Variants in SGCD observed in about 807,000 individuals in gnomAD.
The protein encoded by SGCD is delta-sarcoglycan.
Under a neutral mutation model 36.6 loss-of-function variants are expected in SGCD, and 18 were observed. That is an observed-to-expected ratio of 0.49 (90% confidence interval 0.34 to 0.73). The LOEUF (loss-of-function observed/expected upper bound fraction) is 0.73. Among genes scored for constraint, SGCD ranks in the 30% least tolerant of loss-of-function variants. SGCD has a pLI of 0.01. For synonymous variants in SGCD, 133 were observed against 130.6 expected (o/e 1.02, Z -0.12); for missense variants, 387 against 346.7 (o/e 1.12, Z -0.92).
chr5:156,268,292 A>C (rs1766055293), intron 3 of SGCD, among the ~76,000 whole-genome samples: 1 of 152,184 alleles, frequency 6.6e-6, no homozygotes, highest in Non-Finnish European at 1.5e-5. Flanking sequence ...TCTGCAGTGA[A>C]CATTTGTGTG....
At chr5:156,695,403 C>G (rs1315921412) in intron 7 of SGCD, among the ~76,000 whole-genome samples, 2 of 152,046 alleles carry the variant, frequency 1.3e-5, no homozygotes, top group African/African-American at 4.8e-5. Flanking sequence ...CATGGCAACT[C>G]TTCTCCAGTC....
At chr5:156,444,762 GTATC>G (rs545150900) in intron 3 of SGCD, among the ~76,000 whole-genome samples, 4 of 152,170 alleles carry the variant, frequency 2.6e-5, no homozygotes, top group Non-Finnish European at 4.4e-5. Flanking sequence ...GCATGAAAAT[GTATC>G]TATCTATCCA....
intron 1 of SGCD, among the ~76,000 whole-genome samples, chr5:156,009,713 G>A (rs946765554): frequency 6.6e-6 from 1 of 152,136 alleles, no homozygotes; most frequent in Non-Finnish European, 1.5e-5. Context: ...AGATTTTAAA[G>A]AATTGCCAGC....
At chr5:156,413,789 G>A (rs557210572) in intron 3 of SGCD, among the ~76,000 whole-genome samples, 1 of 152,244 alleles carries the variant, frequency 6.6e-6, no homozygotes, top group East Asian at 1.9e-4. Context: ...CATTTGAAAT[G>A]GATTTCTAAT....
chr5:156,372,283 C>T (rs888476894), intron 3 of SGCD, among the ~76,000 whole-genome samples: 1 of 152,246 alleles, frequency 6.6e-6, no homozygotes, highest in South Asian at 2.1e-4. Flanking sequence ...TTTATAGCAC[C>T]TTTATATGTG....
chr5:156,490,519 A>G (rs1223233757), intron 3 of SGCD, among the ~76,000 whole-genome samples: 1 of 151,932 alleles, frequency 6.6e-6, no homozygotes, highest in Non-Finnish European at 1.5e-5. Context: ...ATCAAGTGGA[A>G]TTTATCCCAG....
chr5:156,486,335 G>A (rs1268134071), intron 3 of SGCD, among the ~76,000 whole-genome samples: 1 of 152,032 alleles, frequency 6.6e-6, no homozygotes, highest in Non-Finnish European at 1.5e-5. Context: ...TGAGACAAAG[G>A]AGACTGAAGT....
At chr5:155,840,588 T>TGTG in the SGCD span, among the ~76,000 whole-genome samples, 48 of 147,068 alleles carry the variant, frequency 3.3e-4, no homozygotes, top group African/African-American at 1.2e-3. Flanking sequence ...TGCACCCGGC[T>TGTG]TGTGTGTGTG....
chr5:156,160,836 C>G (rs1763071165), intron 3 of SGCD, among the ~76,000 whole-genome samples: 1 of 151,628 alleles, frequency 6.6e-6, no homozygotes, highest in Non-Finnish European at 1.5e-5. Flanking sequence ...CTTGCCTCTT[C>G]CCTTAATTTC....
At chr5:156,239,335 G>A (rs1581188749) in intron 3 of SGCD, among the ~76,000 whole-genome samples, 1 of 149,496 alleles carries the variant, frequency 6.7e-6, no homozygotes, top group East Asian at 2.0e-4. Flanking sequence ...GGGAGGCGGA[G>A]GTTGCAGTGA....
chr5:156,253,120 T>C (rs1003512342), intron 3 of SGCD, among the ~76,000 whole-genome samples: 8 of 152,162 alleles, frequency 5.3e-5, no homozygotes, highest in Non-Finnish European at 8.8e-5. Context: ...GAGAGATTAG[T>C]GTGTCTCACG....
At chr5:156,139,485 A>T (rs1762526641) in intron 3 of SGCD, among the ~76,000 whole-genome samples, 1 of 152,104 alleles carries the variant, frequency 6.6e-6, no homozygotes, top group African/African-American at 2.4e-5. Flanking sequence ...CAATATTAGC[A>T]CCTGGCTCCA....
chr5:156,738,110 A>C (rs1756470849), intron 7 of SGCD, among the ~76,000 whole-genome samples: 1 of 152,234 alleles, frequency 6.6e-6, no homozygotes, highest in Non-Finnish European at 1.5e-5. Flanking sequence ...GGGTCATTAG[A>C]TGTTCTGAGA....
intron 3 of SGCD, among the ~76,000 whole-genome samples, chr5:156,284,148 C>T (rs577631315): frequency 2.8e-4 from 43 of 152,058 alleles, no homozygotes; most frequent in Non-Finnish European, 5.4e-4. Flanking sequence ...CTTAATAGAC[C>T]AATAACAGGC....
At chr5:156,503,585 T>A (rs1299470848) in intron 3 of SGCD, among the ~76,000 whole-genome samples, 1 of 152,194 alleles carries the variant, frequency 6.6e-6, no homozygotes, top group African/African-American at 2.4e-5. Flanking sequence ...TTAGCTATTA[T>A]CCTAATGACT....
At chr5:156,377,063 A>G (rs756000823) in intron 3 of SGCD, among the ~76,000 whole-genome samples, 2 of 152,112 alleles carry the variant, frequency 1.3e-5, no homozygotes, top group Non-Finnish European at 2.9e-5. Context: ...TGAAAATAAA[A>G]CATTACAGAG....
chr5:155,943,297 C>T (rs1757370996), intron 1 of SGCD, among the ~76,000 whole-genome samples: 1 of 152,158 alleles, frequency 6.6e-6, no homozygotes, highest in African/African-American at 2.4e-5. Flanking sequence ...TTGTTACAAT[C>T]ACTGTTGTCA....
intron 3 of SGCD, among the ~76,000 whole-genome samples, chr5:156,367,677 T>C (rs1040460918): frequency 2.6e-5 from 4 of 152,218 alleles, no homozygotes. Context: ...CCCCTCTGAC[T>C]TATTCCATGT....
At chr5:156,383,543 T>G (rs1450437508) in intron 3 of SGCD, among the ~76,000 whole-genome samples, 1 of 151,908 alleles carries the variant, frequency 6.6e-6, no homozygotes, top group Admixed American at 6.6e-5. Flanking sequence ...AAATAGGACA[T>G]TTACTAGGAA....
Sources: gnomAD v4.1 joint callset for allele counts (sites outside exome capture counted in the v4.1 genomes callset) on GRCh38, gnomAD v4.1.1 for gene constraint, MANE v1.5 for transcripts, NCBI Gene and HGNC (gene_info 2026-07-23, HGNC 2026-07-21) for gene names.